WWTR1: variants seen among roughly 807,000 people sequenced by gnomAD.
WWTR1 encodes WW domain containing transcription regulator 1, also known as WW domain-containing transcription regulator protein 1.
Under a neutral mutation model 40.1 loss-of-function variants are expected in WWTR1, and 13 were observed. The ratio of observed to expected loss-of-function variants is 0.32; its 90% confidence interval spans 0.21 to 0.52. The LOEUF (loss-of-function observed/expected upper bound fraction) is 0.52. Among genes scored for constraint, WWTR1 ranks in the 20% least tolerant of loss-of-function variants. WWTR1 has a pLI of 0.97. For synonymous variants in WWTR1, 230 were observed against 210.1 expected, an observed-to-expected ratio of 1.09 and a Z score of -0.82; for missense variants, 436 against 523.1, an observed-to-expected ratio of 0.83 and a Z score of 1.63.
chr3:149,522,232 C>T (rs1013159035), intron 6 of WWTR1, among the ~76,000 whole-genome samples: 3 of 152,102 alleles, frequency 2.0e-5, no homozygotes, highest in Admixed American at 1.3e-4. Context: ...CTTCCTGAAA[C>T]GTGTGTAGGG....
At chr3:149,689,885 T>C (rs973387397) in intron 1 of WWTR1, among the ~76,000 whole-genome samples, 1 of 152,148 alleles carries the variant, frequency 6.6e-6, no homozygotes, top group African/African-American at 2.4e-5. Context: ...GAGATGAACC[T>C]ATCAAAAATA....
At chr3:149,627,816 T>C (rs1465775502) in intron 2 of WWTR1, among the ~76,000 whole-genome samples, 2 of 152,160 alleles carry the variant, frequency 1.3e-5, no homozygotes, top group Admixed American at 1.3e-4. Flanking sequence ...CTCACGCCTG[T>C]AATCCCAGCA....
chr3:149,578,507 C>G (rs544005194), intron 2 of WWTR1, among the ~76,000 whole-genome samples: 47 of 152,232 alleles, frequency 3.1e-4, no homozygotes, highest in South Asian at 4.2e-4. Context: ...AACCATAGAT[C>G]GTATACCTAT....
chr3:149,599,400 C>T (rs1474441498), intron 2 of WWTR1, among the ~76,000 whole-genome samples: 1 of 152,232 alleles, frequency 6.6e-6, no homozygotes, highest in Non-Finnish European at 1.5e-5. Context: ...TCCCGCCAGA[C>T]AGGCACTGTT....
At chr3:149,655,652 ACTC>A (rs540958350) in intron 2 of WWTR1, among the ~76,000 whole-genome samples, 7 of 152,120 alleles carry the variant, frequency 4.6e-5, no homozygotes, top group Middle Eastern at 6.8e-3. Flanking sequence ...CAACAAAAGA[ACTC>A]CTTGGACAAG....
chr3:149,655,821 G>A (rs1257382216), intron 2 of WWTR1, among the ~76,000 whole-genome samples: 2 of 152,220 alleles, frequency 1.3e-5, no homozygotes, highest in Non-Finnish European at 2.9e-5. Flanking sequence ...AGAAAGGCTT[G>A]ATTAAACTTT....
intron 2 of WWTR1, among the ~76,000 whole-genome samples, chr3:149,667,594 A>G (rs1290467548): frequency 2.0e-5 from 3 of 152,004 alleles, no homozygotes; most frequent in Non-Finnish European, 2.9e-5. Flanking sequence ...AATGATGTCT[A>G]GGCAACCCAG....
intron 4 of WWTR1, among the ~76,000 whole-genome samples, chr3:149,532,686 G>C (rs566933573): frequency 6.6e-6 from 1 of 152,250 alleles, no homozygotes; most frequent in South Asian, 2.1e-4. Flanking sequence ...CCAACATGTT[G>C]CCATCCAAAC....
intron 2 of WWTR1, among the ~76,000 whole-genome samples, chr3:149,643,416 C>T (rs1712304481): frequency 6.6e-6 from 1 of 152,180 alleles, no homozygotes; most frequent in South Asian, 2.1e-4. Context: ...GCTAGGATTG[C>T]AGACTGTAAT....
intron 1 of WWTR1, among the ~76,000 whole-genome samples, chr3:149,701,330 C>T (rs1192378072): frequency 1.3e-5 from 2 of 152,142 alleles, no homozygotes; most frequent in African/African-American, 4.8e-5. Flanking sequence ...GAGTTTAAGG[C>T]CTTTCCGATC....
At chr3:149,676,093 T>C (rs1488633804) in intron 1 of WWTR1, among the ~76,000 whole-genome samples, 1 of 152,148 alleles carries the variant, frequency 6.6e-6, no homozygotes, top group Non-Finnish European at 1.5e-5. Flanking sequence ...CATGTCCTAA[T>C]GTCCACACCT....
At chr3:149,523,176 G>A (rs1370904661) in intron 6 of WWTR1, among the ~76,000 whole-genome samples, 1 of 151,926 alleles carries the variant, frequency 6.6e-6, no homozygotes, top group South Asian at 2.1e-4. Flanking sequence ...AAGCAGCTCT[G>A]CAATCTCATA....
chr3:149,689,820 A>G (rs900369794), intron 1 of WWTR1, among the ~76,000 whole-genome samples: 19 of 152,182 alleles, frequency 1.2e-4, no homozygotes, highest in African/African-American at 7.2e-5. Flanking sequence ...ACAGAATACT[A>G]TAACACTACA....
At chr3:149,585,953 T>C (rs1222198440) in intron 2 of WWTR1, among the ~76,000 whole-genome samples, 1 of 152,200 alleles carries the variant, frequency 6.6e-6, no homozygotes, top group Non-Finnish European at 1.5e-5. Flanking sequence ...AGATTTAGCC[T>C]AAAAAATGCT....
chr3:149,535,174 T>C (rs1455605894), intron 4 of WWTR1, among the ~76,000 whole-genome samples: 4 of 151,452 alleles, frequency 2.6e-5, no homozygotes, highest in Non-Finnish European at 5.9e-5. Flanking sequence ...CCAGGGACTC[T>C]ACAAACATGG....
intron 2 of WWTR1, among the ~76,000 whole-genome samples, chr3:149,579,343 T>C (rs955412097): frequency 1.3e-5 from 2 of 152,176 alleles, no homozygotes; most frequent in African/African-American, 4.8e-5. Flanking sequence ...ACCAATGAGA[T>C]GAGAATTTAA....
chr3:149,523,591 G>A (rs1045001839), intron 6 of WWTR1, among the ~76,000 whole-genome samples: 1 of 152,154 alleles, frequency 6.6e-6, no homozygotes, highest in Non-Finnish European at 1.5e-5. Context: ...AGAATATTCT[G>A]GAAGGATGGA....
intron 4 of WWTR1, among the ~76,000 whole-genome samples, chr3:149,718,517 C>A (rs1227927735): frequency 6.6e-6 from 1 of 152,130 alleles, no homozygotes; most frequent in Non-Finnish European, 1.5e-5. Flanking sequence ...TTTTTAAGTG[C>A]ACAGCTGAGT....
intron 1 of WWTR1, among the ~76,000 whole-genome samples, chr3:149,695,172 A>C (rs1714944403): frequency 6.6e-6 from 1 of 152,200 alleles, no homozygotes; most frequent in African/African-American, 2.4e-5. Context: ...AAGATAGTGA[A>C]GGTGGATGCA....
Sources: allele counts gnomAD v4.1 joint callset (sites outside exome capture counted in the v4.1 genomes callset), GRCh38; gene constraint gnomAD v4.1.1; transcripts MANE v1.5; gene names NCBI Gene and HGNC (gene_info 2026-07-23, HGNC 2026-07-21).